Variants in TMEM150C observed in about 807,000 individuals in gnomAD.
TMEM150C encodes transmembrane protein 150C.
Under a neutral mutation model 29.9 loss-of-function variants are expected in TMEM150C, and 10 were observed. The ratio of observed to expected loss-of-function variants is 0.33; its 90% CI spans 0.21 to 0.57. The LOEUF is 0.57. Among genes scored for constraint, TMEM150C ranks in the 20% least tolerant of loss-of-function variants. TMEM150C has a pLI of 0.88. For synonymous variants in TMEM150C, 101 were observed against 112.5 expected (o/e 0.90, Z 0.64); for missense variants, 251 against 303.6 (o/e 0.83, Z 1.29).
At position 82,520,491 on chromosome 4, in the gene TMEM150C, T is replaced by C. The variant is rs151010766; in HGVS notation, c.-10-15824A>G. On this transcript the variant is annotated intron_variant, in intron 1 of 7. Coordinates refer to ENST00000449862, the MANE Select transcript of TMEM150C (RefSeq NM_001080506.3). Reference sequence around the variant, plus strand: ...TTTCTCCCACACCCCACATTCAATGTGCCCAAAATCCTGAGCCAAAATAAG... The same window carrying C: ...TTTCTCCCACACCCCACATTCAATGCGCCCAAAATCCTGAGCCAAAATAAG... Among the ~76,000 whole-genome samples the C allele has an allele frequency of 4.4e-3, 669 of 152,342 alleles. 7 individuals are homozygous for C. The highest frequency in any genetic ancestry group is 0.015 in the African/African-American group (637 of 41,582).
chr4:82,503,229 C>G, intron 2 of TMEM150C, 117 bp from the exon 3 acceptor site: 2 of 734,462 alleles, frequency 2.7e-6, no homozygotes, highest in Non-Finnish European at 4.5e-6. Flanking sequence ...CTGAGAAATG[C>G]TCTTTTACAA....
chr4:82,495,958 G>A (rs775082090), intron 6 of TMEM150C, 110 bp downstream of exon 6: 4 of 1,398,530 alleles, frequency 2.9e-6, no homozygotes, highest in Non-Finnish European at 3.9e-6. Context: ...AAAAAGGTTT[G>A]TGCAGAATTA....
intron 1 of TMEM150C, among the ~76,000 whole-genome samples, chr4:82,529,799 T>C (rs1724777578): frequency 6.6e-6 from 1 of 152,146 alleles, no homozygotes. Flanking sequence ...GTGGGTTACT[T>C]TCAAGAGAAG....
In TMEM150C at chr4:82,485,790, C is replaced by T. The variant is rs993447563; in HGVS notation, c.542-71G>A. Reference sequence around the variant, plus strand: ...AACTGGAATCTTTTCAGGGCAGAGACAGATTATAGGAAAAGTCTGGCTTTC... The same window carrying T: ...AACTGGAATCTTTTCAGGGCAGAGATAGATTATAGGAAAAGTCTGGCTTTC... On this transcript the variant is annotated intron_variant, in intron 7 of 7. Coordinates refer to ENST00000449862, the MANE Select transcript of TMEM150C (RefSeq NM_001080506.3). 6.7e-5 allele frequency: 94 copies of T among 1,398,554 alleles called. No individual in the cohort carries two copies. The Middle Eastern group carries it at 7.6e-4, about 11-fold the overall frequency. 86.6% of individuals were successfully genotyped at this position (1,398,554 alleles called of 1,614,324 possible). A position where few individuals can be genotyped will look rare whatever the true frequency, so the allele number is the denominator to read the frequency against.
chr4:82,521,421 A>G (rs1025858289), intron 1 of TMEM150C, among the ~76,000 whole-genome samples: 7 of 152,204 alleles, frequency 4.6e-5, no homozygotes, highest in African/African-American at 1.7e-4. Flanking sequence ...AAAAAGCAAA[A>G]CAAAAGCAGA....
At chr4:82,495,562 G>T in intron 6 of TMEM150C, 1 of 352,172 alleles carries the variant, frequency 2.8e-6, no homozygotes, top group Non-Finnish European at 5.5e-6. Flanking sequence ...AGTTGAGAAT[G>T]CTCAGATTGG....
At position 82,550,777 on chromosome 4, in the gene TMEM150C, G is replaced by A. The variant is rs557314838; in HGVS notation, c.-11+11129C>T. Among the ~76,000 whole-genome samples the A allele has an allele frequency of 8.5e-4, 128 of 150,926 alleles. 1 individual carries two copies. Among genetic ancestry groups the A allele is most frequent in the Non-Finnish European group, 5.8e-4 (39 of 67,812 alleles). ...TGCACTCCAGCCTGGGCGACAGAGC[G>A]AGACTCCGTCTCAAAAAAAAAAAAA... On this transcript the variant is annotated intron_variant, in intron 1 of 7. Transcript: ENST00000449862.
At chr4:82,561,839 C>T (rs1725946489) in intron 1 of TMEM150C, 67 bp downstream of exon 1, 2 of 970,746 alleles carry the variant, frequency 2.1e-6, no homozygotes, top group Non-Finnish European at 2.4e-6. Flanking sequence ...GGGCTGCGCA[C>T]GGGGCCGGGC....
chr4:82,556,371 G>A (rs1023434053), intron 1 of TMEM150C, among the ~76,000 whole-genome samples: 29 of 152,282 alleles, frequency 1.9e-4, no homozygotes, highest in South Asian at 4.1e-4. Context: ...ACTAGTAACC[G>A]TCAATAAAAA....
intron 1 of TMEM150C, among the ~76,000 whole-genome samples, chr4:82,507,131 G>A (rs1218624283): frequency 6.6e-6 from 1 of 152,170 alleles, no homozygotes; most frequent in African/African-American, 2.4e-5. Context: ...CAGTACCTTG[G>A]AGGTTAAGCC....
At chr4:82,496,306 G>A in intron 5 of TMEM150C, 111 bp from the exon 6 acceptor site, 1 of 1,123,908 alleles carries the variant, frequency 8.9e-7, no homozygotes, top group Non-Finnish European at 1.3e-6. Context: ...TCTTAGGTAA[G>A]AGGCAGAATT....
intron 1 of TMEM150C, among the ~76,000 whole-genome samples, chr4:82,547,516 G>A (rs943052373): frequency 1.7e-4 from 26 of 152,076 alleles, no homozygotes; most frequent in African/African-American, 6.3e-4. Flanking sequence ...TTGAACCCAG[G>A]AGGCGGAGGT....
At chr4:82,544,019 T>C (rs961436621) in intron 1 of TMEM150C, among the ~76,000 whole-genome samples, 1 of 152,210 alleles carries the variant, frequency 6.6e-6, no homozygotes, top group Non-Finnish European at 1.5e-5. Flanking sequence ...TTGATGGCCT[T>C]TCTGAGCTTG....
chr4:82,561,835 C>A, intron 1 of TMEM150C, 71 bp downstream of exon 1: 1 of 962,180 alleles, frequency 1.0e-6, no homozygotes, highest in Non-Finnish European at 1.2e-6. Flanking sequence ...CTGCGGGCTG[C>A]GCACGGGGCC....
intron 1 of TMEM150C, among the ~76,000 whole-genome samples, chr4:82,542,896 G>A (rs58708035): frequency 0.016 from 2,465 of 152,244 alleles, 82 homozygotes; most frequent in African/African-American, 0.057. Context: ...AGTACTTCAC[G>A]GTGTGAAGAC....
rs576073259 is a variant in TMEM150C at position 82,497,540 on chromosome 4, C to G, written c.236-1345G>C. On this transcript the variant is annotated intron_variant, in intron 5 of 7. Transcript: ENST00000449862. Reference sequence around the variant, plus strand: ...ACTTTTAGTTCTAAGTACTTCTGATCAAAGAGTGGTATAAAACTTGATTAA... The same window carrying G: ...ACTTTTAGTTCTAAGTACTTCTGATGAAAGAGTGGTATAAAACTTGATTAA... Among the ~76,000 whole-genome samples, 4 of 152,158 alleles carry G rather than the reference C, an allele frequency of 2.6e-5. No homozygotes were observed. The East Asian group carries it at 7.7e-4, about 29-fold the overall frequency.
In TMEM150C at chr4:82,485,653, C is replaced by A; in HGVS notation, c.608G>T (p.Cys203Phe). The change falls in exon 8 of 8, where the codon TGC (cysteine) becomes TTC (phenylalanine). Residue 203 changes from cysteine to phenylalanine, a missense_variant. Cys to Phe is a radical substitution (Grantham distance 205). Coordinates refer to ENST00000449862, the MANE Select transcript of TMEM150C (RefSeq NM_001080506.3). ...AARVQWGLVM[C>F]FLSYFGTFAV... ...AAAGGTGCCAAAATAAGACAGGAAGCACATGACCAGGCCCCACTGGACCCT... is the reference window on the plus strand; with the variant it reads ...AAAGGTGCCAAAATAAGACAGGAAGAACATGACCAGGCCCCACTGGACCCT... 1 of 1,609,572 alleles carries A rather than the reference C, an allele frequency of 6.2e-7. No homozygotes were observed. The highest frequency in any genetic ancestry group is 8.5e-7 in the Non-Finnish European group (1 of 1,178,004).
At chr4:82,536,294 G>A (rs1478519334) in intron 1 of TMEM150C, among the ~76,000 whole-genome samples, 4 of 146,576 alleles carry the variant, frequency 2.7e-5, no homozygotes, top group African/African-American at 7.6e-5. Flanking sequence ...GGAGGCGGAG[G>A]TTGCCGTGAG....
chr4:82,502,001 G>A (rs1560483373), intron 5 of TMEM150C, among the ~76,000 whole-genome samples: 1 of 152,162 alleles, frequency 6.6e-6, no homozygotes, highest in Admixed American at 6.5e-5. Context: ...ATAGCCAGTT[G>A]ACTCTTGGAG....
Sources: gnomAD v4.1 joint callset for allele counts (sites outside exome capture counted in the v4.1 genomes callset) on GRCh38, gnomAD v4.1.1 for gene constraint, MANE v1.5 for transcripts, NCBI Gene and HGNC (gene_info 2026-07-23, HGNC 2026-07-21) for gene names.